Variants in GLE1 observed in about 807,000 individuals in gnomAD.
GLE1 encodes mRNA export factor GLE1.
A neutral mutation model predicts 97.3 loss-of-function variants in GLE1; 78 were observed. That is an observed-to-expected ratio of 0.80 (90% CI 0.67 to 0.97). GLE1 has a LOEUF of 0.97. Among genes scored for constraint, GLE1 ranks in the 50% least tolerant of loss-of-function variants. GLE1 has a pLI of 0.00. For synonymous variants in GLE1, 302 were observed against 313.4 expected (o/e 0.96, Z 0.39); for missense variants, 753 against 857.5 (o/e 0.88, Z 1.52).
Position 128,533,625 on chromosome 9 carries a change from T to G in GLE1, c.1425T>G (p.Phe475Leu). Residue 475 changes from phenylalanine to leucine, a missense_variant, in exon 10 of 16, where the codon TTT becomes TTG. By Grantham distance (22) the Phe-to-Leu change is conservative. Coordinates refer to ENST00000309971, the MANE Select transcript of GLE1 (RefSeq NM_001003722.2). ...SVTLNPQGLD[F>L]VQYKLAEKFV... ...CACTTAACCCACAGGGGCTGGACTTTGTTCAATACAAACTGGCAGAGAAAT... is the reference window on the plus strand; with the variant it reads ...CACTTAACCCACAGGGGCTGGACTTGGTTCAATACAAACTGGCAGAGAAAT... The G allele has an allele frequency of 6.2e-7, 1 of 1,614,178 alleles. No homozygotes were observed. Among genetic ancestry groups the G allele is most frequent in the Non-Finnish European group, 8.5e-7 (1 of 1,180,030 alleles).
At chr9:128,515,256 T>A (rs1846947448) in intron 2 of GLE1, among the ~76,000 whole-genome samples, 1 of 152,160 alleles carries the variant, frequency 6.6e-6, no homozygotes. Context: ...AAACATTTTC[T>A]AGGCAGAGTA....
At chr9:128,530,753 C>G (rs1305731873) in intron 9 of GLE1, among the ~76,000 whole-genome samples, 1 of 151,488 alleles carries the variant, frequency 6.6e-6, no homozygotes, top group Non-Finnish European at 1.5e-5. Flanking sequence ...ACTAAAAATA[C>G]AAAAAATTAG....
chr9:128,504,723 G>C lies in GLE1; in HGVS notation c.-83G>C. On this transcript the variant is annotated 5_prime_UTR_variant, in exon 1 of 16. Transcript: ENST00000309971. Reference sequence around the variant, plus strand: ...CTGCGCGCGCGTCCCGGAAGCAGAAGCCTGTGTGGCCTTCCCGGCGGCTGA... The same window carrying C: ...CTGCGCGCGCGTCCCGGAAGCAGAACCCTGTGTGGCCTTCCCGGCGGCTGA... 2.1e-6 allele frequency: 2 copies of C among 934,758 alleles called. No homozygotes were observed. Among genetic ancestry groups the C allele is most frequent in the Admixed American group, 3.4e-5 (2 of 59,168 alleles). 57.9% of individuals were successfully genotyped at this position (934,758 alleles called of 1,614,324 possible).
chr9:128,521,817 G>T (rs1316590410), intron 3 of GLE1, among the ~76,000 whole-genome samples: 1 of 152,070 alleles, frequency 6.6e-6, no homozygotes, highest in African/African-American at 2.4e-5. Flanking sequence ...TTCCTGAAAT[G>T]GAACAAGTGT....
In GLE1 at chr9:128,527,236, C is replaced by T. The variant is rs1198077942; in HGVS notation, c.1187C>T (p.Ala396Val). Residue 396 changes from alanine (A) to valine (V), a missense_variant, in exon 8 of 16, where the codon GCT becomes GTT. Physicochemically the swap from Ala to Val is moderately conservative, Grantham distance 64 (BLOSUM62 0). Transcript: ENST00000309971. ...CAGTGGTACCAGCAGCTGCAGGATGCTTCCATGCAGTGTGTGTTGACCTTT... is the reference window on the plus strand; with the variant it reads ...CAGTGGTACCAGCAGCTGCAGGATGTTTCCATGCAGTGTGTGTTGACCTTT... ...TMQWYQQLQD[A>V]SMQCVLTFEG... is the part of the protein sequence containing the mutation. 5.6e-6 allele frequency: 9 copies of T among 1,611,968 alleles called. No individual in the cohort carries two copies. Among genetic ancestry groups the T allele is most frequent in the Non-Finnish European group, 7.6e-6 (9 of 1,178,014 alleles).
intron 3 of GLE1, among the ~76,000 whole-genome samples, chr9:128,520,282 G>GTA (rs1055486872): frequency 7.4e-5 from 11 of 149,584 alleles, no homozygotes; most frequent in Non-Finnish European, 1.5e-4. Flanking sequence ...ATATATGTGT[G>GTA]TATATATATG....
At chr9:128,520,882 C>A (rs78557279) in intron 3 of GLE1, among the ~76,000 whole-genome samples, 38,807 of 151,798 alleles carry the variant, frequency 0.26, 5,452 homozygotes, top group East Asian at 0.39. Flanking sequence ...GCTCTTTCTG[C>A]TTTCTAAATA....
intron 2 of GLE1, among the ~76,000 whole-genome samples, chr9:128,514,193 G>C (rs993636229): frequency 6.6e-6 from 1 of 151,422 alleles, no homozygotes; most frequent in African/African-American, 2.4e-5. Context: ...ACAAAAATTA[G>C]CCAGGTGTGG....
chr9:128,527,208 A>C lies in GLE1; in HGVS notation c.1159A>C (p.Met387Leu). The C allele has an allele frequency of 6.2e-7, 1 of 1,608,246 alleles. No homozygotes were observed. The highest frequency in any genetic ancestry group is 1.3e-5 in the African/African-American group (1 of 74,962). Residue 387 changes from methionine (M) to leucine (L), a missense_variant, in exon 8 of 16, where the codon ATG (methionine) becomes CTG (leucine). Met to Leu is a conservative substitution (Grantham distance 15, BLOSUM62 2). Transcript: ENST00000309971. Reference sequence around the variant, plus strand: ...CCAGGTGAAGGTACAAGACATTACAATGCAGTGGTACCAGCAGCTGCAGGA... The same window carrying C: ...CCAGGTGAAGGTACAAGACATTACACTGCAGTGGTACCAGCAGCTGCAGGA... ...DLQVKVQDITMQWYQQLQDAS... is the reference protein window; with the variant it reads ...DLQVKVQDITLQWYQQLQDAS...
intron 2 of GLE1, among the ~76,000 whole-genome samples, chr9:128,511,603 G>A (rs1846826084): frequency 6.6e-6 from 1 of 151,540 alleles, no homozygotes; most frequent in Non-Finnish European, 1.5e-5. Flanking sequence ...CTACTCAGGA[G>A]GCTGAGGCAG....
At chr9:128,520,474 G>C (rs946381002) in intron 3 of GLE1, among the ~76,000 whole-genome samples, 10 of 149,626 alleles carry the variant, frequency 6.7e-5, no homozygotes, top group Non-Finnish European at 1.2e-4. Context: ...AATCATTATA[G>C]CACAAATGCT....
At position 128,523,633 on chromosome 9, in the gene GLE1, G is replaced by A; in HGVS notation, c.684G>A (p.Val228=). 6.2e-7 allele frequency: 1 copy of A among 1,614,146 alleles called. No homozygotes were observed. The highest frequency in any genetic ancestry group is 1.1e-5 in the South Asian group (1 of 91,082). Residue 228 remains valine (V), a synonymous_variant, in exon 6 of 16, where the codon GTG becomes GTA. Coordinates refer to ENST00000309971, the MANE Select transcript of GLE1 (RefSeq NM_001003722.2). ...TGCGGGAAGCAGAGCAGCAGCGCGT[G>A]AAGCAAGCAGAACAGGAGCGGCTTC... The part of the protein sequence containing the change: ...LKLREAEQQR[V]KQAEQERLRK...
chr9:128,527,338 C>A, intron 8 of GLE1, 47 bp downstream of exon 8: 2 of 1,311,496 alleles, frequency 1.5e-6, no homozygotes, highest in Non-Finnish European at 2.2e-6. Context: ...TGATGGTTCT[C>A]AGAGAATGAT....
chr9:128,522,867 T>G (rs767767592), intron 4 of GLE1, 51 bp downstream of exon 4: 1 of 1,601,306 alleles, frequency 6.2e-7, no homozygotes, highest in South Asian at 1.1e-5. Flanking sequence ...CAACTGGAAC[T>G]CTTTCCCAAG....
At chr9:128,525,161 C>G in intron 6 of GLE1, 31 bp from the exon 7 acceptor site, 4 of 1,510,964 alleles carry the variant, frequency 2.6e-6, no homozygotes, top group Non-Finnish European at 3.7e-6. Context: ...TAGGGAATGA[C>G]CACTAAGCAC....
At chr9:128,536,563 C>A in intron 12 of GLE1, 79 bp downstream of exon 12, 1 of 1,327,554 alleles carries the variant, frequency 7.5e-7, no homozygotes. Context: ...GAAATGTTGG[C>A]CTTCTTTCAG....
Position 128,508,969 on chromosome 9 carries a change from C to G in GLE1, c.193C>G (p.Pro65Ala), listed in dbSNP as rs1182483619. 2 of 1,611,228 alleles carry G rather than the reference C, an allele frequency of 1.2e-6. No homozygotes were observed. Among genetic ancestry groups the G allele is most frequent in the Admixed American group, 1.7e-5 (1 of 59,998 alleles). ...CCTACCCCATATGCAGGAGAACCAA[C>G]CTCTGTCTGAGACTTCGCCATCCTC... ...HVLPHMQENQ[P>A]LSETSPSSTS... is the part of the protein sequence containing the mutation. The change falls in exon 2 of 16, where the codon CCT becomes GCT. Residue 65 changes from proline (P) to alanine (A), a missense_variant. By Grantham distance (27) the Pro-to-Ala change is conservative. Coordinates refer to ENST00000309971, the MANE Select transcript of GLE1 (RefSeq NM_001003722.2).
intron 1 of GLE1, among the ~76,000 whole-genome samples, chr9:128,505,269 C>A (rs1406170499): frequency 6.6e-6 from 1 of 152,168 alleles, no homozygotes; most frequent in East Asian, 1.9e-4. Context: ...ACGATTGACA[C>A]GACCTAATCC....
chr9:128,514,474 T>C (rs1589046879), intron 2 of GLE1, among the ~76,000 whole-genome samples: 1 of 133,732 alleles, frequency 7.5e-6, no homozygotes, highest in African/African-American at 2.9e-5. Context: ...TGAGACGGAG[T>C]CTCTGTATCC....
Sources: gnomAD v4.1 joint callset for allele counts (sites outside exome capture counted in the v4.1 genomes callset) on GRCh38, gnomAD v4.1.1 for gene constraint, MANE v1.5 for transcripts, NCBI Gene and HGNC (gene_info 2026-07-23, HGNC 2026-07-21) for gene names.